MYCBPAP: variants seen among roughly 807,000 people sequenced by gnomAD.
The protein encoded by MYCBPAP is MYCBP associated protein.
Under a neutral mutation model 106.1 loss-of-function variants are expected in MYCBPAP, and 60 were observed. The ratio of observed to expected loss-of-function variants is 0.57; its 90% CI spans 0.46 to 0.70. The LOEUF (loss-of-function observed/expected upper bound fraction) is 0.70. Among genes scored for constraint, MYCBPAP ranks in the 30% least tolerant of loss-of-function variants. The pLI is 0.00. For missense variants in MYCBPAP, 1,064 were observed against 1,169.3 expected (o/e 0.91, Z 1.31); for synonymous variants, 407 against 440.6 (o/e 0.92, Z 0.95).
At position 50,519,022 on chromosome 17, in the gene MYCBPAP, C is replaced by T; in HGVS notation, c.701C>T (p.Thr234Ile). ...VSELLMHTGE[T>I]YRRIQEEREL... is the part of the protein sequence containing the mutation. ...GAGCTGCTCATGCACACCGGGGAGA[C>T]CTACAGACGGATCCAGGAGGAGCGG... The change falls in exon 6 of 19, where the codon ACC (threonine) becomes ATC (isoleucine). Residue 234 changes from threonine (T) to isoleucine (I), a missense_variant. Thr to Ile is a moderately conservative substitution (Grantham distance 89). Transcript: ENST00000323776. 6.2e-7 allele frequency: 1 copy of T among 1,614,028 alleles called. No individual in the cohort carries two copies. Among genetic ancestry groups the T allele is most frequent in the Non-Finnish European group, 8.5e-7 (1 of 1,180,016 alleles).
intron 1 of MYCBPAP, among the ~76,000 whole-genome samples, chr17:50,511,887 C>T (rs1207933907): frequency 6.6e-6 from 1 of 152,068 alleles, no homozygotes; most frequent in Non-Finnish European, 1.5e-5. Context: ...CCTCTCCGGT[C>T]CATCTGGCTC....
intron 13 of MYCBPAP, among the ~76,000 whole-genome samples, chr17:50,525,677 G>C (rs1253693995): frequency 7.5e-5 from 3 of 40,084 alleles, no homozygotes; most frequent in African/African-American, 2.3e-4. Flanking sequence ...TTTTGGTAGA[G>C]ATAGGATCAC....
chr17:50,529,209 G>A (rs1283462194), intron 18 of MYCBPAP, 21 bp downstream of exon 18: 3 of 1,601,084 alleles, frequency 1.9e-6, no homozygotes, highest in East Asian at 2.2e-5. Flanking sequence ...GCGCCCAGCA[G>A]CCATTCCCCT....
rs1267037730 is a variant in MYCBPAP, at chr17:50,510,506, T to TGC, written c.76+1756_76+1757insGC. The stretch of plus-strand genomic sequence containing the variant: ...GTGTGTGTGTGTGTGTGTGTATATA[T>TGC]ATATATATATATATATATATATATA... On this transcript the variant is annotated intron_variant, in intron 1 of 18. Coordinates refer to ENST00000323776, the MANE Select transcript of MYCBPAP (RefSeq NM_032133.6). The TGC allele has an allele frequency of 5.6e-3, 557 of 99,146 alleles. 9 individuals are homozygous for TGC. Among genetic ancestry groups the TGC allele is most frequent in the African/African-American group, 0.029 (533 of 18,098 alleles). 6.1% of individuals were successfully genotyped at this position (99,146 alleles called of 1,614,324 possible). A position where few individuals can be genotyped will look rare whatever the true frequency, so the allele number is the denominator to read the frequency against.
chr17:50,516,339 A>G (rs1157045977), intron 1 of MYCBPAP, among the ~76,000 whole-genome samples: 1 of 152,160 alleles, frequency 6.6e-6, no homozygotes, highest in Non-Finnish European at 1.5e-5. Flanking sequence ...AGTCTTAGTC[A>G]CTGTGGTGAG....
At chr17:50,514,706 T>G (rs1597823722) in intron 1 of MYCBPAP, 1 of 207,938 alleles carries the variant, frequency 4.8e-6, no homozygotes, top group African/African-American at 2.4e-5. Context: ...TCACCCAGGC[T>G]GGAGTGCAGT....
At chr17:50,522,832 C>CTT in intron 10 of MYCBPAP, 107 bp from the exon 11 acceptor site, 1 of 1,117,390 alleles carries the variant, frequency 8.9e-7, no homozygotes, top group Non-Finnish European at 1.3e-6. Context: ...GCCTGGGACA[C>CTT]GAGACTTGCA....
intron 13 of MYCBPAP, among the ~76,000 whole-genome samples, chr17:50,525,491 TA>T (rs1321508238): frequency 2.6e-5 from 4 of 152,086 alleles, no homozygotes; most frequent in Admixed American, 6.5e-5. Context: ...TATTTTTGTT[TA>T]TTTTTTTAAG....
At position 50,508,606 on chromosome 17, in the gene MYCBPAP, G is replaced by A. The variant is rs759548158; in HGVS notation, c.-69G>A. ...ACGCAGTGGCGGCCGTTGGCTGGCG[G>A]GTGCGGCGCAGCCTCGGTGTCTCTG... On this transcript the variant is annotated 5_prime_UTR_variant, in exon 1 of 19. Coordinates refer to ENST00000323776, the MANE Select transcript of MYCBPAP (RefSeq NM_032133.6). The A allele has an allele frequency of 2.0e-5, 31 of 1,557,096 alleles. 1 individual carries two copies. The highest frequency in any genetic ancestry group is 3.5e-5 in the South Asian group (3 of 86,382).
Position 50,518,563 on chromosome 17 carries a change from C to A in MYCBPAP, c.491C>A (p.Ser164Ter), listed in dbSNP as rs1567886538. 1 of 1,590,646 alleles carries A rather than the reference C, an allele frequency of 6.3e-7. No individual in the cohort carries two copies. The highest frequency in any genetic ancestry group is 1.1e-5 in the South Asian group (1 of 87,242). Residue 164 changes from serine (S) to a stop codon, truncating the protein, a stop_gained, in exon 5 of 19, where the codon TCA becomes TAA. Coordinates refer to ENST00000323776, the MANE Select transcript of MYCBPAP (RefSeq NM_032133.6). LOFTEE classifies it high-confidence loss of function. ...CAGCTGGCTGAGCGGATACCTACCTCACCCTGTCTGATGACCCTCATCTCT... is the reference window on the plus strand; with the variant it reads ...CAGCTGGCTGAGCGGATACCTACCTAACCCTGTCTGATGACCCTCATCTCT... ...NTQLAERIPTSPCLMTLISAE... is the reference protein window; with the variant it reads ...NTQLAERIPT
intron 1 of MYCBPAP, among the ~76,000 whole-genome samples, chr17:50,510,898 C>T (rs1319566837): frequency 6.6e-6 from 1 of 151,934 alleles, no homozygotes; most frequent in Admixed American, 6.6e-5. Context: ...GCTTTCCTAG[C>T]CACTGCCTCC....
At chr17:50,512,211 G>A (rs1365465834) in intron 1 of MYCBPAP, among the ~76,000 whole-genome samples, 1 of 151,940 alleles carries the variant, frequency 6.6e-6, no homozygotes, top group Non-Finnish European at 1.5e-5. Context: ...CCGCCACCAC[G>A]CCTGGCTAAT....
chr17:50,522,812 A>C, intron 10 of MYCBPAP, 127 bp from the exon 11 acceptor site: 2 of 846,714 alleles, frequency 2.4e-6, no homozygotes, highest in Non-Finnish European at 3.6e-6. Flanking sequence ...ACAGTGGCCA[A>C]GCCCTGGAGG....
chr17:50,518,317 T>C (rs977093294), intron 4 of MYCBPAP, among the ~76,000 whole-genome samples: 17 of 152,230 alleles, frequency 1.1e-4, no homozygotes, highest in African/African-American at 4.1e-4. Flanking sequence ...GACCCCAATC[T>C]TGAAACAGAA....
chr17:50,515,751 G>A (rs2034025269), intron 1 of MYCBPAP: 1 of 152,220 alleles, frequency 6.6e-6, no homozygotes, highest in Non-Finnish European at 1.5e-5. Flanking sequence ...GAAAGCCTGA[G>A]GCCTAGAGAG....
At chr17:50,522,196 G>T (rs1050724059) in intron 10 of MYCBPAP, 115 bp downstream of exon 10, 3 of 733,772 alleles carry the variant, frequency 4.1e-6, no homozygotes, top group Non-Finnish European at 6.8e-6. Flanking sequence ...TTATCTGGTC[G>T]TGCATTCAGC....
In MYCBPAP at chr17:50,526,861, G is replaced by T. The variant is rs889127259; in HGVS notation, c.2170-426G>T. On this transcript the variant is annotated intron_variant, in intron 14 of 18. Transcript: ENST00000323776. ...CTCCCAAAGTGCTGGTGTTACAGGC[G>T]TGAGCCACCACGCCAGGCCAATTTT... Among the ~76,000 whole-genome samples the T allele has an allele frequency of 2.6e-5, 4 of 152,184 alleles. No homozygotes were observed. In the South Asian group the frequency reaches 8.3e-4, roughly 31 times the overall value.
intron 6 of MYCBPAP, 50 bp downstream of exon 6, chr17:50,519,139 G>GC (rs79976200): frequency 8.0e-7 from 1 of 1,254,130 alleles, no homozygotes; most frequent in Non-Finnish European, 1.1e-6. Context: ...CCATGGAGGA[G>GC]GGGGCGGGGG....
chr17:50,508,821 C>CA (rs1273058435), intron 1 of MYCBPAP, 71 bp downstream of exon 1: 2 of 1,361,406 alleles, frequency 1.5e-6, no homozygotes, highest in Non-Finnish European at 2.1e-6. Context: ...GAGTTCAGGA[C>CA]ACGGGGCCTG....
Sources: allele counts gnomAD v4.1 joint callset (sites outside exome capture counted in the v4.1 genomes callset), GRCh38; gene constraint gnomAD v4.1.1; transcripts MANE v1.5; gene names NCBI Gene and HGNC (gene_info 2026-07-23, HGNC 2026-07-21).